SSH2: variants seen among roughly 807,000 people sequenced by gnomAD.
SSH2 encodes the protein slingshot protein phosphatase 2.
A neutral mutation model predicts 135.2 loss-of-function variants in SSH2; 37 were observed. The ratio of observed to expected loss-of-function variants is 0.27; its 90% CI spans 0.21 to 0.36. The LOEUF (loss-of-function observed/expected upper bound fraction) is 0.36, where lower values mean the gene tolerates loss of function less well. Ranked by LOEUF, SSH2 falls within the 10% of genes least tolerant of loss-of-function variation. The probability of loss-of-function intolerance (pLI) is 1.00; values close to 1 mark genes in which losing one functional copy is unlikely to be tolerated. For missense variants in SSH2, 1,408 were observed against 1,765.3 expected, an observed-to-expected ratio of 0.80 and a Z score of 3.63; for synonymous variants, 628 against 646.2, an observed-to-expected ratio of 0.97 and a Z score of 0.43.
At chr17:29,836,828 A>C (rs1315898805) in intron 2 of SSH2, among the ~76,000 whole-genome samples, 1 of 152,198 alleles carries the variant, frequency 6.6e-6, no homozygotes, top group African/African-American at 2.4e-5. Context: ...TGAGATTAAG[A>C]ATTTGTTAAA....
chr17:29,737,196 T>G (rs187324722), intron 3 of SSH2, among the ~76,000 whole-genome samples: 20 of 152,046 alleles, frequency 1.3e-4, no homozygotes, highest in African/African-American at 4.6e-4. Flanking sequence ...GGCCTTATAT[T>G]ATTTAGATTA....
Position 29,632,395 on chromosome 17 carries a change from T to C in SSH2, c.2799A>G (p.Ala933=), listed in dbSNP as rs761042406. Reference sequence around the variant, plus strand: ...CACTTTTCCCTTTTGGTGCTAGGTCTGCCACAGAAGAATCATTCTTTGAAT... The same window carrying C: ...CACTTTTCCCTTTTGGTGCTAGGTCCGCCACAGAAGAATCATTCTTTGAAT... The part of the protein sequence containing the change: ...RKNSKNDSSV[A]DLAPKGKSDE... Residue 933 remains alanine, a synonymous_variant, in exon 16 of 16, where the codon GCA becomes GCG. Transcript: ENST00000540801. The C allele has an allele frequency of 4.0e-5, 64 of 1,614,074 alleles. No homozygotes were observed. The highest frequency in any genetic ancestry group is 4.3e-5 in the Non-Finnish European group (51 of 1,180,016).
intron 5 of SSH2, among the ~76,000 whole-genome samples, chr17:29,694,433 G>A (rs1352766244): frequency 6.6e-6 from 1 of 152,240 alleles, no homozygotes; most frequent in African/African-American, 2.4e-5. Flanking sequence ...CACTTTGGGA[G>A]GCCAAGGTGG....
chr17:29,812,864 G>T (rs1452903316), intron 2 of SSH2, among the ~76,000 whole-genome samples: 1 of 151,692 alleles, frequency 6.6e-6, no homozygotes, highest in Admixed American at 6.6e-5. Context: ...ACTCCAGCCT[G>T]GGTGACAGAG....
intron 2 of SSH2, among the ~76,000 whole-genome samples, chr17:29,845,409 G>C (rs1214776400): frequency 6.6e-6 from 1 of 152,146 alleles, no homozygotes; most frequent in Non-Finnish European, 1.5e-5. Flanking sequence ...AAAAAAAGGT[G>C]TGGGAAATAC....
Position 29,730,891 on chromosome 17 carries a change from AC to A in SSH2, c.189-27830del, listed in dbSNP as rs2040167764. Among the ~76,000 whole-genome samples the A allele has an allele frequency of 2.0e-5, 3 of 152,220 alleles. No homozygotes were observed. In the South Asian group the frequency reaches 6.2e-4, roughly 31 times the overall value. On this transcript the variant is annotated intron_variant, in intron 3 of 15. Transcript: ENST00000540801. ...TGAAAAATATGATAAGGTGACTGTT[AC>A]CTTCAGAATACAGCTATTTGAGAAG...
rs114231331 is a variant in SSH2, at chr17:29,775,093, T to C, written c.188+18801A>G. Among the ~76,000 whole-genome samples the C allele has an allele frequency of 6.4e-3, 977 of 152,322 alleles. 12 individuals are homozygous for C. The highest frequency in any genetic ancestry group is 0.02 in the African/African-American group (841 of 41,564). ...ACAAAACAAAACTGTAAGGTGCCTA[T>C]TGCTATACAAACTTCCCTAGTTTCA... On this transcript the variant is annotated intron_variant, in intron 3 of 15. Coordinates refer to ENST00000540801, the MANE Select transcript of SSH2 (RefSeq NM_001282129.2).
intron 9 of SSH2, among the ~76,000 whole-genome samples, chr17:29,668,114 C>G (rs570489716): frequency 6.6e-6 from 1 of 152,326 alleles, no homozygotes; most frequent in East Asian, 1.9e-4. Context: ...TGGCTCTGCA[C>G]CTCCTTATTT....
chr17:29,791,561 T>A (rs1273778429), intron 3 of SSH2, among the ~76,000 whole-genome samples: 4 of 152,230 alleles, frequency 2.6e-5, no homozygotes, highest in Non-Finnish European at 4.4e-5. Flanking sequence ...TATTCTGTGG[T>A]GAGTGATGGA....
chr17:29,656,118 A>C (rs2151011153), intron 11 of SSH2, among the ~76,000 whole-genome samples: 1 of 152,284 alleles, frequency 6.6e-6, no homozygotes, highest in African/African-American at 2.4e-5. Flanking sequence ...CATTTGCTGA[A>C]TTTTTACAGA....
chr17:29,652,173 GAA>G (rs958397388), intron 12 of SSH2, among the ~76,000 whole-genome samples: 8 of 152,026 alleles, frequency 5.3e-5, no homozygotes, highest in African/African-American at 1.9e-4. Flanking sequence ...AATTGCTATG[GAA>G]AACAGTACAG....
intron 2 of SSH2, among the ~76,000 whole-genome samples, chr17:29,838,372 T>C (rs1397015234): frequency 4.6e-5 from 7 of 152,158 alleles, no homozygotes; most frequent in Non-Finnish European, 1.0e-4. Context: ...GCACCATGAA[T>C]GGAAGCAGGA....
At chr17:29,715,769 A>G (rs1469039124) in intron 3 of SSH2, among the ~76,000 whole-genome samples, 1 of 152,212 alleles carries the variant, frequency 6.6e-6, no homozygotes, top group Non-Finnish European at 1.5e-5. Context: ...GCAGCTGAAC[A>G]CTTAAGGAGA....
chr17:29,754,732 T>C (rs914240869), intron 3 of SSH2, among the ~76,000 whole-genome samples: 2 of 152,152 alleles, frequency 1.3e-5, no homozygotes, highest in Non-Finnish European at 2.9e-5. Context: ...AGTGGCACCA[T>C]CTCGGCTCAC....
intron 3 of SSH2, chr17:29,761,052 G>T: frequency 8.2e-7 from 1 of 1,222,096 alleles, no homozygotes; most frequent in Non-Finnish European, 1.1e-6. Context: ...GCTCGCCCTC[G>T]CTTGATTGTT....
At chr17:29,792,708 G>A (rs1052363815) in intron 3 of SSH2, among the ~76,000 whole-genome samples, 1 of 152,036 alleles carries the variant, frequency 6.6e-6, no homozygotes, top group Non-Finnish European at 1.5e-5. Flanking sequence ...ACGGAGTCTC[G>A]CTCTGTAGCC....
At chr17:29,664,372 C>T (rs1464604598) in intron 11 of SSH2, among the ~76,000 whole-genome samples, 1 of 136,132 alleles carries the variant, frequency 7.3e-6, no homozygotes, top group African/African-American at 2.8e-5. Flanking sequence ...GACTCCGTCT[C>T]CAAAAAAAAA....
chr17:29,769,136 T>C (rs1011919085), intron 3 of SSH2, among the ~76,000 whole-genome samples: 3 of 152,242 alleles, frequency 2.0e-5, no homozygotes, highest in Admixed American at 2.0e-4. Context: ...TTATTATCTC[T>C]ATGAGGCTCA....
At chr17:29,888,443 A>G (rs1222628091) in intron 1 of SSH2, among the ~76,000 whole-genome samples, 4 of 152,182 alleles carry the variant, frequency 2.6e-5, no homozygotes, top group Admixed American at 2.6e-4. Flanking sequence ...ATCCCAAGAA[A>G]GCAGAGTTGG....
Sources: allele counts gnomAD v4.1 joint callset (sites outside exome capture counted in the v4.1 genomes callset), GRCh38; gene constraint gnomAD v4.1.1; transcripts MANE v1.5; gene names NCBI Gene and HGNC (gene_info 2026-07-23, HGNC 2026-07-21).